Variants in PPIH observed in about 807,000 individuals in gnomAD.
PPIH encodes the protein peptidylprolyl isomerase H.
Under a neutral mutation model 27.6 loss-of-function variants are expected in PPIH, and 16 were observed. The observed-to-expected ratio is 0.58, with a 90% CI of 0.39 to 0.88. The LOEUF is 0.88. PPIH is among the 40% of genes least tolerant of loss of function. The pLI is 0.00. For missense variants in PPIH, 155 were observed against 224.1 expected (o/e 0.69, Z 1.97); for synonymous variants, 63 against 76.1 (o/e 0.83, Z 0.90).
At chr1:42,671,532 T>G (rs992606229) in intron 9 of PPIH, among the ~76,000 whole-genome samples, 4 of 152,376 alleles carry the variant, frequency 2.6e-5, no homozygotes, top group Admixed American at 2.6e-4. Flanking sequence ...CTTCTCAATC[T>G]ACTCGCCCTG....
intron 8 of PPIH, 78 bp downstream of exon 8, chr1:42,666,665 A>C (rs1649358229): frequency 7.1e-7 from 1 of 1,408,052 alleles, no homozygotes; most frequent in African/African-American, 1.4e-5. Flanking sequence ...GAGCTAGAGA[A>C]GGGGGAATGA....
intron 5 of PPIH, 66 bp from the exon 6 acceptor site, chr1:42,664,797 G>A: frequency 3.1e-6 from 4 of 1,284,960 alleles, no homozygotes; most frequent in Non-Finnish European, 4.4e-6. Flanking sequence ...GTGCGACAGT[G>A]TTCTTCCTCC....
intron 9 of PPIH, among the ~76,000 whole-genome samples, chr1:42,669,542 GC>G (rs1199487049): frequency 3.9e-5 from 6 of 152,126 alleles, no homozygotes; most frequent in Admixed American, 3.9e-4. Flanking sequence ...GCCCACCTTG[GC>G]CTCCTAAAGT....
rs1375728947 is a variant in PPIH at position 42,666,049 on chromosome 1, G to A, written c.406G>A (p.Gly136Arg). ...CTGCTCTAAGTGCGATTGGCTGGAT[G>A]GGAAGCATGTGGTGTTTGGTAAGTC... ...ITCSKCDWLD[G>R]KHVVFGKIID... Residue 136 changes from glycine to arginine, a missense_variant, in exon 7 of 10, where the codon GGG (glycine) becomes AGG (arginine). Coordinates refer to ENST00000304979, the MANE Select transcript of PPIH (RefSeq NM_006347.4). 2 of 1,614,188 alleles carry A rather than the reference G, an allele frequency of 1.2e-6. No homozygotes were observed. The highest frequency in any genetic ancestry group is 1.7e-6 in the Non-Finnish European group (2 of 1,179,996).
Position 42,665,966 on chromosome 1 carries a change from T to G in PPIH, c.337-14T>G, listed in dbSNP as rs777519944. The G allele has an allele frequency of 1.4e-5, 22 of 1,611,782 alleles. No individual in the cohort carries two copies. In the African/African-American group the frequency reaches 2.5e-4, roughly 19 times the overall value. On this transcript the variant is annotated splice_polypyrimidine_tract_variant and intron_variant, in intron 6 of 9. Transcript: ENST00000304979. Reference sequence around the variant, plus strand: ...CCGGGGAAACTTACTGCAGGTATATTTGGTTTCCATCAGGCGAACAGTGGT... The same window carrying G: ...CCGGGGAAACTTACTGCAGGTATATGTGGTTTCCATCAGGCGAACAGTGGT...
intron 2 of PPIH, 79 bp downstream of exon 2, chr1:42,658,987 A>G (rs1648837012): frequency 2.7e-6 from 4 of 1,490,652 alleles, no homozygotes; most frequent in East Asian, 2.3e-5. Flanking sequence ...TAGCCTGTCT[A>G]CCTCTGTCCG....
rs890845330 is a variant in PPIH, at chr1:42,676,721, A to C, written c.*159A>C. Reference sequence around the variant, plus strand: ...AGATTCAGAATCCAAGATTGTCTTTAAGTTTTCAACTGTAAATAAAGTTTT... The same window carrying C: ...AGATTCAGAATCCAAGATTGTCTTTCAGTTTTCAACTGTAAATAAAGTTTT... On this transcript the variant is annotated 3_prime_UTR_variant, in exon 10 of 10. Coordinates refer to ENST00000304979, the MANE Select transcript of PPIH (RefSeq NM_006347.4). 6.6e-6 allele frequency: 1 copy of C among 151,482 alleles called. No individual in the cohort carries two copies. Among genetic ancestry groups the C allele is most frequent in the South Asian group, 2.1e-4 (1 of 4,802 alleles). 9.4% of individuals were successfully genotyped at this position (151,482 alleles called of 1,614,324 possible).
intron 6 of PPIH, among the ~76,000 whole-genome samples, chr1:42,665,718 C>T (rs1300577574): frequency 6.6e-6 from 1 of 151,836 alleles, no homozygotes; most frequent in African/African-American, 2.4e-5. Flanking sequence ...GGTGTGGTGA[C>T]ACACACCTGT....
intron 8 of PPIH, among the ~76,000 whole-genome samples, chr1:42,667,117 C>T (rs1191417298): frequency 1.3e-5 from 2 of 152,176 alleles, no homozygotes; most frequent in Non-Finnish European, 2.9e-5. Flanking sequence ...GCCTATCTAA[C>T]CCTTATCCAA....
At chr1:42,664,641 C>T (rs1649231166) in intron 5 of PPIH, among the ~76,000 whole-genome samples, 1 of 152,108 alleles carries the variant, frequency 6.6e-6, no homozygotes, top group Admixed American at 6.5e-5. Flanking sequence ...CTCTTTTATC[C>T]AGTCTATAAA....
intron 9 of PPIH, among the ~76,000 whole-genome samples, 187 bp downstream of exon 9, chr1:42,667,627 T>C (rs1388081764): frequency 6.6e-6 from 1 of 152,214 alleles, no homozygotes; most frequent in Non-Finnish European, 1.5e-5. Flanking sequence ...CTGTAATACC[T>C]ATCTCTCAGA....
intron 9 of PPIH, among the ~76,000 whole-genome samples, chr1:42,675,963 T>C (rs1490798497): frequency 2.0e-5 from 3 of 152,210 alleles, no homozygotes; most frequent in Non-Finnish European, 4.4e-5. Context: ...CTTGGGACCC[T>C]ACTCCTTTGC....
chr1:42,662,756 T>C (rs910349361), intron 5 of PPIH, among the ~76,000 whole-genome samples: 5 of 152,340 alleles, frequency 3.3e-5, no homozygotes, highest in African/African-American at 1.2e-4. Flanking sequence ...CCAAATGAAT[T>C]ACCCTCATTC....
intron 9 of PPIH, among the ~76,000 whole-genome samples, chr1:42,674,575 C>G (rs572130594): frequency 6.6e-6 from 1 of 152,190 alleles, no homozygotes; most frequent in African/African-American, 2.4e-5. Flanking sequence ...AAAAGGGGCA[C>G]TGACCCTCCA....
chr1:42,676,235 TG>T (rs1323219974), intron 9 of PPIH, among the ~76,000 whole-genome samples: 1 of 152,008 alleles, frequency 6.6e-6, no homozygotes, highest in Non-Finnish European at 1.5e-5. Context: ...TTTGGGAGGC[TG>T]AGGCAGGGAG....
In PPIH at chr1:42,660,401, A is replaced by G. The variant is rs138579135; in HGVS notation, c.201-461A>G. On this transcript the variant is annotated intron_variant, in intron 4 of 9. Transcript: ENST00000304979. ...AATTATCCTTTCAGCTTAATCATTCAGGAAAAGAATAATCTTCAGGTTTTT... is the reference window on the plus strand; with the variant it reads ...AATTATCCTTTCAGCTTAATCATTCGGGAAAAGAATAATCTTCAGGTTTTT... Among the ~76,000 whole-genome samples the G allele has an allele frequency of 5.5e-3, 840 of 152,290 alleles. 11 individuals are homozygous for G. Among genetic ancestry groups the G allele is most frequent in the African/African-American group, 0.019 (805 of 41,560 alleles).
At chr1:42,677,987 A>C (rs1649937311), downstream of PPIH, among the ~76,000 whole-genome samples, 1 of 152,244 alleles carries the variant, frequency 6.6e-6, no homozygotes, top group South Asian at 2.1e-4. Flanking sequence ...GCTGAATTCT[A>C]TGACAATAGA....
rs1459352453 is a variant in PPIH at position 42,671,881 on chromosome 1, CTTTCT to C, written c.*21+4445_*21+4449del. Among the ~76,000 whole-genome samples, 14 of 131,804 alleles carry C rather than the reference CTTTCT, an allele frequency of 1.1e-4. No homozygotes were observed. The East Asian group carries it at 1.5e-3, about 14-fold the overall frequency. 86.5% of individuals were successfully genotyped at this position (131,804 alleles called of 152,430 possible). On this transcript the variant is annotated intron_variant, in intron 9 of 9. Coordinates refer to ENST00000304979, the MANE Select transcript of PPIH (RefSeq NM_006347.4). ...AAGCCCTATTGGGCAGTATTTCTTT[CTTTCT>C]TTTTTTTTTTTTTTCGAGACGGAGT...
At chr1:42,677,522 C>T (rs1649926468), downstream of PPIH, among the ~76,000 whole-genome samples, 1 of 152,032 alleles carries the variant, frequency 6.6e-6, no homozygotes. Flanking sequence ...ATAAAGATCT[C>T]ACTTAGCTGG....
Sources: gnomAD v4.1 joint callset for allele counts (sites outside exome capture counted in the v4.1 genomes callset) on GRCh38, gnomAD v4.1.1 for gene constraint, MANE v1.5 for transcripts, NCBI Gene and HGNC (gene_info 2026-07-23, HGNC 2026-07-21) for gene names.